The following ARAP3 variants were observed in gnomAD, a reference collection of about 807,000 sequenced individuals.
ARAP3 encodes the protein ArfGAP with RhoGAP domain, ankyrin repeat and PH domain 3.
Under a neutral mutation model 169.2 loss-of-function variants are expected in ARAP3, and 82 were observed. That is an observed-to-expected ratio of 0.48 (90% CI 0.41 to 0.58). The LOEUF (loss-of-function observed/expected upper bound fraction) is 0.58. Among genes scored for constraint, ARAP3 ranks in the 20% least tolerant of loss-of-function variants. The pLI, the probability that ARAP3 is intolerant of heterozygous loss-of-function variation, is 0.00. For synonymous variants in ARAP3, 791 were observed against 800.3 expected (o/e 0.99, Z 0.20); for missense variants, 1,764 against 2,018.0 (o/e 0.87, Z 2.41).
In ARAP3 at chr5:141,667,973, C is replaced by T. The variant is rs535898548; in HGVS notation, c.2353-1330G>A. Among the ~76,000 whole-genome samples, 19 of 151,880 alleles carry T rather than the reference C, an allele frequency of 1.3e-4. No homozygotes were observed. The East Asian group carries it at 1.8e-3, about 14-fold the overall frequency. ...AAGAGAATCGCTTGAACCCAAGAAG[C>T]GGAGGTTGCAGTGAGCCAAGATCTC... On this transcript the variant is annotated intron_variant, in intron 16 of 32. Coordinates refer to ENST00000239440, the MANE Select transcript of ARAP3 (RefSeq NM_022481.6).
intron 16 of ARAP3, among the ~76,000 whole-genome samples, chr5:141,668,030 G>A (rs891156988): frequency 4.6e-5 from 7 of 151,734 alleles, no homozygotes; most frequent in East Asian, 1.9e-4. Context: ...AGACAAGAGC[G>A]AAACTCCATC....
rs746861995 is a variant in ARAP3, at chr5:141,680,226, C to T, written c.261G>A (p.Pro87=). The T allele has an allele frequency of 2.9e-5, 47 of 1,612,702 alleles. No individual in the cohort carries two copies. The highest frequency in any genetic ancestry group is 6.7e-5 in the African/African-American group (5 of 74,688). The change falls in exon 2 of 33, where the codon CCG becomes CCA. Residue 87 remains proline (P), a synonymous_variant. Transcript: ENST00000239440. ...SAMEPSPSPA[P]QAQPPKPVPK... ...GCACGGGCTTAGGGGGCTGGGCTTG[C>T]GGGGCTGGGCTGGGGGATGGTTCCA...
chr5:141,655,528 G>T, intron 31 of ARAP3, 93 bp downstream of exon 31: 1 of 1,599,492 alleles, frequency 6.3e-7, no homozygotes, highest in South Asian at 1.1e-5. Flanking sequence ...TGAGCATAGG[G>T]TGGCACCAGG....
chr5:141,679,689 A>C (rs749615049), intron 3 of ARAP3, 33 bp from the exon 4 acceptor site: 92 of 1,613,766 alleles, frequency 5.7e-5, no homozygotes, highest in Admixed American at 3.2e-4. Flanking sequence ...CACAAGGAAG[A>C]GGAGATCGCT....
intron 4 of ARAP3, among the ~76,000 whole-genome samples, chr5:141,678,720 T>C (rs7714007): frequency 0.039 from 5,941 of 151,892 alleles, 168 homozygotes; most frequent in South Asian, 0.091. Flanking sequence ...ACTCCTGACC[T>C]CAGGTGATCC....
intron 19 of ARAP3, 22 bp downstream of exon 19, chr5:141,664,900 G>A: frequency 1.3e-6 from 2 of 1,535,328 alleles, no homozygotes; most frequent in Non-Finnish European, 8.7e-7. Flanking sequence ...CATTGGCTCA[G>A]TACCAGCCAG....
intron 32 of ARAP3, among the ~76,000 whole-genome samples, chr5:141,654,670 T>A (rs1297856468): frequency 6.6e-6 from 1 of 152,048 alleles, no homozygotes; most frequent in African/African-American, 2.4e-5. Flanking sequence ...TGAACCCAGG[T>A]CTGTCTAACT....
In ARAP3 at chr5:141,653,969, G is replaced by A. The variant is rs894633126; in HGVS notation, c.4616C>T (p.Ser1539Phe). Residue 1539 changes from serine (S) to phenylalanine (F), a missense_variant, in exon 33 of 33, where the codon TCC becomes TTC. Ser to Phe is a radical substitution (Grantham distance 155). Around this residue, in one of 3 missense-constraint regions of ARAP3, gnomAD observed 1,112 missense variants for 1,285.7 expected, o/e 0.86. Coordinates refer to ENST00000239440, the MANE Select transcript of ARAP3 (RefSeq NM_022481.6). Reference protein sequence around the residue: ...TQPPCTSSPPSSQPLT With the variant: ...TQPPCTSSPPFSQPLT ...CTAGGGTCATGTGAGGGGCTGGCTG[G>A]AGGGTGGACTGGAAGTGCATGGGGG... The A allele has an allele frequency of 8.5e-6, 13 of 1,532,636 alleles. No homozygotes were observed. The highest frequency in any genetic ancestry group is 1.1e-5 in the Non-Finnish European group (13 of 1,140,940). The allele number at this position is 1,532,636 out of a possible 1,614,324, so 94.9% of individuals were successfully genotyped here. A position where few individuals can be genotyped will look rare whatever the true frequency, so the allele number is the denominator to read the frequency against.
Position 141,673,152 on chromosome 5 carries a change from A to G in ARAP3, c.973-19T>C, listed in dbSNP as rs1392540061. On this transcript the variant is annotated intron_variant, in intron 6 of 32. Coordinates refer to ENST00000239440, the MANE Select transcript of ARAP3 (RefSeq NM_022481.6). Reference sequence around the variant, plus strand: ...AGGGGTCCTGGAGAGAGAGAGCTCAATGACCCATGAGGACAGGAACTGAGC... The same window carrying G: ...AGGGGTCCTGGAGAGAGAGAGCTCAGTGACCCATGAGGACAGGAACTGAGC... 4 of 1,613,964 alleles carry G rather than the reference A, an allele frequency of 2.5e-6. No individual in the cohort carries two copies. The highest frequency in any genetic ancestry group is 2.7e-5 in the African/African-American group (2 of 74,914).
chr5:141,663,280 G>T (rs1177608092), intron 19 of ARAP3, among the ~76,000 whole-genome samples: 1 of 152,090 alleles, frequency 6.6e-6, no homozygotes, highest in African/African-American at 2.4e-5. Flanking sequence ...ACCTTGGAGG[G>T]GAGGGGATGA....
chr5:141,673,346 C>T, intron 6 of ARAP3, 55 bp downstream of exon 6: 1 of 1,608,824 alleles, frequency 6.2e-7, no homozygotes, highest in South Asian at 1.1e-5. Flanking sequence ...TTCTGAGCCC[C>T]TCTCAGCCCT....
In ARAP3 at chr5:141,671,730, T is replaced by C. The variant is rs1400653156; in HGVS notation, c.1694A>G (p.Asp565Gly). The C allele has an allele frequency of 1.2e-6, 2 of 1,603,990 alleles. No homozygotes were observed. The highest frequency in any genetic ancestry group is 1.1e-5 in the South Asian group (1 of 89,358). The change falls in exon 12 of 33, where the codon GAT (aspartate) becomes GGT (glycine). Residue 565 changes from aspartate (D) to glycine (G), a missense_variant. By Grantham distance (94) the Asp-to-Gly change is moderately conservative (BLOSUM62 -1). Transcript: ENST00000239440. The surrounding 1 kb of genome is among the most constrained non-coding windows in gnomAD (Gnocchi z 4.9). ...CCCTGCCCAGAAGCGGTTGGCACGA[T>C]CATTTCCCAGGACAATGAATAACTG... ...IVQLFIVLGN[D>G]RANRFWAGTL...
chr5:141,661,778 T>C lies in ARAP3; in HGVS notation c.3025A>G (p.Lys1009Glu), dbSNP rs1327293855. The C allele has an allele frequency of 1.2e-6, 2 of 1,614,218 alleles. No individual in the cohort carries two copies. Among genetic ancestry groups the C allele is most frequent in the South Asian group, 2.2e-5 (2 of 91,086 alleles). The change falls in exon 21 of 33, where the codon AAG (lysine) becomes GAG (glutamate). Residue 1009 changes from lysine (K) to glutamate (E), a missense_variant. Around this residue, in one of 3 missense-constraint regions of ARAP3, gnomAD observed 1,112 missense variants for 1,285.7 expected, o/e 0.86. Transcript: ENST00000239440. The stretch of plus-strand genomic sequence containing the variant: ...TTATATTTCTCCAGGCGCTGATTCT[T>C]CTGGGGCAGCTCTGGGGATGGAATG... ...RWREAAELPQ[K>E]NQRLEKYKDV...
chr5:141,655,513 G>A, intron 31 of ARAP3, 108 bp downstream of exon 31: 1 of 1,582,720 alleles, frequency 6.3e-7, no homozygotes, highest in Non-Finnish European at 8.6e-7. Context: ...AAGGGAGGGG[G>A]ACAGTGAGCA....
At chr5:141,673,921 C>T in intron 4 of ARAP3, 113 bp from the exon 5 acceptor site, 3 of 803,180 alleles carry the variant, frequency 3.7e-6, no homozygotes, top group Non-Finnish European at 5.6e-6. Context: ...CTGGCAGGTA[C>T]TGGATCTGAT....
intron 5 of ARAP3, 24 bp downstream of exon 5, chr5:141,673,581 C>T: frequency 1.2e-6 from 2 of 1,612,466 alleles, no homozygotes; most frequent in Non-Finnish European, 1.7e-6. Flanking sequence ...TCTTTTCTCC[C>T]TCCCTTCCCC....
In ARAP3 at chr5:141,654,077, A is replaced by G. The variant is rs752662276; in HGVS notation, c.4508T>C (p.Leu1503Pro). Residue 1503 changes from leucine to proline, a missense_variant, in exon 33 of 33, where the codon CTG becomes CCG. By Grantham distance (98) the Leu-to-Pro change is moderately conservative. This residue lies in a region of ARAP3 where 1,112 missense variants were observed against 1,285.7 expected (regional missense o/e 0.86). Coordinates refer to ENST00000239440, the MANE Select transcript of ARAP3 (RefSeq NM_022481.6). The part of the protein sequence containing the change: ...ILRKGETTAG[L>P]GSPSQPSSPQ... ...GCTGGATGGCTGGGAAGGACTTCCCAGGCCTGCAGTGGTCTCTCCTTTCCT... is the reference window on the plus strand; with the variant it reads ...GCTGGATGGCTGGGAAGGACTTCCCGGGCCTGCAGTGGTCTCTCCTTTCCT... The G allele has an allele frequency of 1.2e-5, 19 of 1,608,344 alleles. 1 individual carries two copies. Among genetic ancestry groups the G allele is most frequent in the African/African-American group, 1.1e-4 (8 of 74,670 alleles).
chr5:141,654,569 T>A, intron 32 of ARAP3, 134 bp from the exon 33 acceptor site: 1 of 1,292,704 alleles, frequency 7.7e-7, no homozygotes, highest in Non-Finnish European at 1.1e-6. Context: ...GGAACAACCC[T>A]GTGCAGTGGG....
At position 141,655,896 on chromosome 5, in the gene ARAP3, A is replaced by G; in HGVS notation, c.3945T>C (p.Asp1315=). 1 of 1,614,018 alleles carries G rather than the reference A, an allele frequency of 6.2e-7. No homozygotes were observed. The highest frequency in any genetic ancestry group is 1.6e-4 in the Middle Eastern group (1 of 6,062). ...LSCTDEDEMW[D]WTTSILKAQH... The stretch of plus-strand genomic sequence containing the variant: ...GGGCTTTAAGGATGCTGGTGGTCCA[A>G]TCCCACATTTCATCCTCGTCAGTGC... Residue 1315 remains aspartate, a synonymous_variant, in exon 30 of 33, where the codon GAT becomes GAC. Coordinates refer to ENST00000239440, the MANE Select transcript of ARAP3 (RefSeq NM_022481.6).
Sources: gnomAD v4.1 joint callset for allele counts (sites outside exome capture counted in the v4.1 genomes callset) on GRCh38, gnomAD v4.1.1 for gene constraint, gnomAD v4.1.1 regional missense constraint, Gnocchi (gnomAD v3.1) non-coding constraint, MANE v1.5 for transcripts, NCBI Gene and HGNC (gene_info 2026-07-23, HGNC 2026-07-21) for gene names.